Variants in ASCC1 observed in about 807,000 individuals in gnomAD.
The protein encoded by ASCC1 is activating signal cointegrator 1 complex subunit 1.
ASCC1 carries 35 observed loss-of-function variants against 46.6 expected under a neutral mutation model. The ratio of observed to expected loss-of-function variants is 0.75; its 90% CI spans 0.57 to 0.99. The LOEUF (loss-of-function observed/expected upper bound fraction) is 0.99, where lower values mean the gene tolerates loss of function less well. Among genes scored for constraint, ASCC1 ranks in the 50% least tolerant of loss-of-function variants. The pLI, the probability that ASCC1 is intolerant of heterozygous loss-of-function variation, is 0.00. For missense variants in ASCC1, 376 were observed against 428.7 expected (o/e 0.88, Z 1.09); for synonymous variants, 143 against 146.6 (o/e 0.98, Z 0.18).
intron 6 of ASCC1, 64 bp downstream of exon 6, chr10:72,161,474 T>C (rs901946743): frequency 1.2e-6 from 2 of 1,607,860 alleles, no homozygotes; most frequent in Non-Finnish European, 8.5e-7. Context: ...AAAACAAGTC[T>C]GTAATACCAA....
chr10:72,210,937 A>T, intron 2 of ASCC1, 106 bp from the exon 3 acceptor site: 1 of 957,406 alleles, frequency 1.0e-6, no homozygotes, highest in Non-Finnish European at 1.6e-6. Flanking sequence ...AGCAATACAC[A>T]GGCATAAAGA....
rs751824344 is a variant in ASCC1 at position 72,097,332 on chromosome 10, C to A, written c.*2G>T. 6.3e-7 allele frequency: 1 copy of A among 1,591,682 alleles called. No individual in the cohort carries two copies. The highest frequency in any genetic ancestry group is 8.6e-7 in the Non-Finnish European group (1 of 1,159,764). On this transcript the variant is annotated 3_prime_UTR_variant, in exon 10 of 10. Coordinates refer to ENST00000672957, the MANE Select transcript of ASCC1 (RefSeq NM_001198800.3). ...AGTTTCTAGTGCTTTCCAAGATCCA[C>A]CTCAGGAGAAGTCAATTTGTCCACA... is the stretch of plus-strand genomic sequence containing the variant.
intron 2 of ASCC1, among the ~76,000 whole-genome samples, chr10:72,212,980 A>G (rs146458495): frequency 8.6e-4 from 131 of 152,288 alleles, no homozygotes; most frequent in African/African-American, 2.8e-3. Flanking sequence ...CAAAGAAGAA[A>G]CATAACTTAT....
intron 5 of ASCC1, among the ~76,000 whole-genome samples, chr10:72,171,898 TA>T (rs781648671): frequency 1.2e-3 from 177 of 152,244 alleles, no homozygotes; most frequent in Admixed American, 2.6e-3. Flanking sequence ...TTTGGGGAAA[TA>T]CACTTGGGTG....
intron 1 of ASCC1, among the ~76,000 whole-genome samples, chr10:72,214,367 C>T (rs201662751): frequency 1.6e-3 from 138 of 88,472 alleles, no homozygotes; most frequent in African/African-American, 2.6e-3. Flanking sequence ...CACAATATCT[C>T]TTTTTTTTTT....
chr10:72,131,990 TC>T (rs1845668485), intron 8 of ASCC1, among the ~76,000 whole-genome samples: 1 of 149,208 alleles, frequency 6.7e-6, no homozygotes, highest in South Asian at 2.2e-4. Flanking sequence ...TGCCTCAACC[TC>T]CCAAGTAGCT....
chr10:72,146,669 C>T (rs950729886), intron 7 of ASCC1, among the ~76,000 whole-genome samples: 1 of 152,132 alleles, frequency 6.6e-6, no homozygotes, highest in Non-Finnish European at 1.5e-5. Flanking sequence ...AAACAAATTT[C>T]TTACCAGTCA....
At chr10:72,134,316 C>T (rs1466349545) in intron 7 of ASCC1, 2 of 152,278 alleles carry the variant, frequency 1.3e-5, no homozygotes, top group Non-Finnish European at 2.9e-5. Flanking sequence ...CACTTGTAGT[C>T]CCAGCAACTC....
chr10:72,156,871 G>T (rs888427186), intron 6 of ASCC1, among the ~76,000 whole-genome samples: 1 of 152,106 alleles, frequency 6.6e-6, no homozygotes, highest in Non-Finnish European at 1.5e-5. Flanking sequence ...AGGTCATGGG[G>T]ATGCTCTTTG....
At chr10:72,183,959 C>T (rs1181243005) in intron 5 of ASCC1, among the ~76,000 whole-genome samples, 1 of 151,978 alleles carries the variant, frequency 6.6e-6, no homozygotes, top group Non-Finnish European at 1.5e-5. Flanking sequence ...GCCTGGCCAA[C>T]ATGGTGAAAC....
At chr10:72,213,033 G>A (rs1317495155) in intron 2 of ASCC1, among the ~76,000 whole-genome samples, 154 bp downstream of exon 2, 1 of 152,056 alleles carries the variant, frequency 6.6e-6, no homozygotes, top group Non-Finnish European at 1.5e-5. Context: ...AAACTCATCA[G>A]TACCCTTAGA....
intron 5 of ASCC1, among the ~76,000 whole-genome samples, chr10:72,182,618 T>G (rs1291122739): frequency 6.6e-6 from 1 of 152,098 alleles, no homozygotes; most frequent in Non-Finnish European, 1.5e-5. Flanking sequence ...ATTTTTCAAT[T>G]AAGTCAATAA....
Position 72,096,055 on chromosome 10 carries a change from A to T in ASCC1, c.*1279T>A, listed in dbSNP as rs1225766792. The T allele has an allele frequency of 2.2e-6, 1 of 444,698 alleles. No homozygotes were observed. The highest frequency in any genetic ancestry group is 4.5e-6 in the Non-Finnish European group (1 of 220,404). 27.5% of individuals were successfully genotyped at this position (444,698 alleles called of 1,614,324 possible). A position where few individuals can be genotyped will look rare whatever the true frequency, so the allele number is the denominator to read the frequency against. Reference sequence around the variant, plus strand: ...AACACCGTTAAACATTTTATTCACAAGTGATTTGTGCAGTCCCAATAATAA... The same window carrying T: ...AACACCGTTAAACATTTTATTCACATGTGATTTGTGCAGTCCCAATAATAA... On this transcript the variant is annotated 3_prime_UTR_variant, in exon 10 of 10. Transcript: ENST00000672957.
chr10:72,123,835 C>T (rs1464166502), intron 9 of ASCC1, among the ~76,000 whole-genome samples: 1 of 152,144 alleles, frequency 6.6e-6, no homozygotes, highest in East Asian at 1.9e-4. Context: ...GGGAGGCAGG[C>T]TCCACTCTTT....
At chr10:72,140,631 ACT>A (rs1243048097) in intron 7 of ASCC1, among the ~76,000 whole-genome samples, 1 of 152,120 alleles carries the variant, frequency 6.6e-6, no homozygotes, top group Non-Finnish European at 1.5e-5. Context: ...ATAGACAATG[ACT>A]CTCGGTATTT....
rs1857980718 is a variant in ASCC1 at position 72,210,842 on chromosome 10, AC to A, written c.113-12del. ...CACACTCCATGGAGCCTGCACAGAA[AC>A]CATCACATCTCACTCAGAAACAATG... On this transcript the variant is annotated splice_polypyrimidine_tract_variant and intron_variant, in intron 2 of 9. Transcript: ENST00000672957. 3 of 1,612,576 alleles carry A rather than the reference AC, an allele frequency of 1.9e-6. No homozygotes were observed. Among genetic ancestry groups the A allele is most frequent in the Non-Finnish European group, 2.5e-6 (3 of 1,179,066 alleles).
intron 5 of ASCC1, among the ~76,000 whole-genome samples, chr10:72,172,869 ATT>A (rs1401233815): frequency 2.4e-5 from 3 of 123,414 alleles, no homozygotes; most frequent in African/African-American, 5.9e-5. Flanking sequence ...TATTATATAT[ATT>A]ATATATTATA....
intron 4 of ASCC1, chr10:72,198,408 A>G (rs1468526234): frequency 1.6e-5 from 5 of 311,752 alleles, no homozygotes; most frequent in Admixed American, 1.3e-4. Context: ...GAAGGGAAGG[A>G]AGGAAAGAAA....
At position 72,097,078 on chromosome 10, in the gene ASCC1, A is replaced by G. The variant is rs1418143013; in HGVS notation, c.*256T>C. On this transcript the variant is annotated 3_prime_UTR_variant, in exon 10 of 10. Coordinates refer to ENST00000672957, the MANE Select transcript of ASCC1 (RefSeq NM_001198800.3). ...CAGTATGTTTTATGAGTATTTTACG[A>G]CAATTTAAAAATTAAAAGAAAAAAA... 7.7e-6 allele frequency: 4 copies of G among 516,408 alleles called. No homozygotes were observed. Among genetic ancestry groups the G allele is most frequent in the Non-Finnish European group, 1.5e-5 (4 of 267,660 alleles). The allele number at this position is 516,408 out of a possible 1,614,324, so 32.0% of individuals were successfully genotyped here.
Sources: allele counts gnomAD v4.1 joint callset (sites outside exome capture counted in the v4.1 genomes callset), GRCh38; gene constraint gnomAD v4.1.1; transcripts MANE v1.5; gene names NCBI Gene and HGNC (gene_info 2026-07-23, HGNC 2026-07-21).